Variants in PSD3 observed in about 807,000 individuals in gnomAD.
The protein encoded by PSD3 is PH and SEC7 domain-containing protein 3.
PSD3 carries 49 observed loss-of-function variants against 105.5 expected under a neutral mutation model. The ratio of observed to expected loss-of-function variants is 0.46; its 90% CI spans 0.37 to 0.59. The LOEUF is 0.59. PSD3 is among the 20% of genes least tolerant of loss of function. The pLI, the probability that PSD3 is intolerant of heterozygous loss-of-function variation, is 0.00. For synonymous variants in PSD3, 557 were observed against 457.8 expected, an observed-to-expected ratio of 1.22 and a Z score of -2.77; for missense variants, 1,561 against 1,263.8, an observed-to-expected ratio of 1.24 and a Z score of -3.57.
chr8:18,789,490 TATC>T (rs1458644000), intron 8 of PSD3, among the ~76,000 whole-genome samples: 3 of 152,226 alleles, frequency 2.0e-5, no homozygotes, highest in African/African-American at 7.2e-5. Context: ...TTAAAAATCT[TATC>T]AGTTTCAGTT....
chr8:18,779,732 GTACAAT>G (rs1808430770), intron 8 of PSD3, among the ~76,000 whole-genome samples: 1 of 151,924 alleles, frequency 6.6e-6, no homozygotes, highest in Admixed American at 6.6e-5. Context: ...CCTTGTATTT[GTACAAT>G]TTCCAAAGTT....
intron 9 of PSD3, among the ~76,000 whole-genome samples, chr8:18,704,638 C>T (rs772088461): frequency 6.6e-6 from 1 of 152,164 alleles, no homozygotes; most frequent in Admixed American, 6.5e-5. Flanking sequence ...CCATGTCTGG[C>T]CCCAATAAGA....
intron 9 of PSD3, among the ~76,000 whole-genome samples, chr8:18,676,775 A>C (rs10087403): frequency 0.23 from 35,078 of 152,124 alleles, 4,338 homozygotes; most frequent in South Asian, 0.33. Context: ...ATAAAAAAAC[A>C]CCTACCAGCT....
At chr8:18,752,222 T>C (rs183592176) in intron 9 of PSD3, among the ~76,000 whole-genome samples, 1 of 151,380 alleles carries the variant, frequency 6.6e-6, no homozygotes, top group African/African-American at 2.4e-5. Context: ...TTAACAATTC[T>C]ACATACAATA....
At chr8:19,083,567 T>G (rs988200726) in intron 1 of PSD3, among the ~76,000 whole-genome samples, 21 of 152,060 alleles carry the variant, frequency 1.4e-4, no homozygotes, top group Admixed American at 7.2e-4. Context: ...GTTGGGGAGA[T>G]GGAAGGTACA....
Position 18,542,793 on chromosome 8 carries a change from T to G in PSD3, c.2929-6835A>C, listed in dbSNP as rs1800226304. Among the ~76,000 whole-genome samples the G allele has an allele frequency of 5.3e-5, 8 of 152,348 alleles. 2 individuals are homozygous for G. The South Asian group carries it at 1.7e-3, about 32-fold the overall frequency. ...TCATAATGTAGCCCTTTCAGGTATG[T>G]GTCTTTCATTTACAAGGACAAAGAC... On this transcript the variant is annotated intron_variant, in intron 15 of 15. Transcript: ENST00000327040.
intron 1 of PSD3, among the ~76,000 whole-genome samples, chr8:19,004,183 A>G (rs151227987): frequency 6.6e-6 from 1 of 152,110 alleles, no homozygotes; most frequent in African/African-American, 2.4e-5. Flanking sequence ...CCAGGAGGAG[A>G]AGACTATTTT....
chr8:19,038,707 C>T (rs28495314), intron 1 of PSD3, among the ~76,000 whole-genome samples: 11,995 of 152,142 alleles, frequency 0.079, 1,464 homozygotes, highest in African/African-American at 0.26. Flanking sequence ...AGTGAACCTC[C>T]CATTTTGACC....
chr8:18,907,755 G>C (rs567852943), intron 2 of PSD3, among the ~76,000 whole-genome samples: 90 of 152,312 alleles, frequency 5.9e-4, no homozygotes, highest in Non-Finnish European at 9.7e-4. Flanking sequence ...AGCAGCACAT[G>C]ACTGTACCAA....
intron 14 of PSD3, among the ~76,000 whole-genome samples, chr8:18,560,079 C>A (rs951735217): frequency 1.3e-5 from 2 of 151,922 alleles, no homozygotes; most frequent in Non-Finnish European, 2.9e-5. Flanking sequence ...CCATTTTGAA[C>A]AGTGAAATAG....
At chr8:18,694,689 T>C (rs887829565) in intron 9 of PSD3, among the ~76,000 whole-genome samples, 1 of 151,994 alleles carries the variant, frequency 6.6e-6, no homozygotes, top group Non-Finnish European at 1.5e-5. Context: ...AAAATTATTC[T>C]GATAGGCTGG....
rs1476765002 is a variant in PSD3, at chr8:18,878,581, C to T, written c.131-5848G>A. The stretch of plus-strand genomic sequence containing the variant: ...TGAATGCATAGACATACACACGCTC[C>T]TTTGCCTTTGTTCAACTTCCTTTCT... On this transcript the variant is annotated intron_variant, in intron 2 of 15. Coordinates refer to ENST00000327040, the MANE Select transcript of PSD3 (RefSeq NM_015310.4). Among the ~76,000 whole-genome samples, 6 of 152,304 alleles carry T rather than the reference C, an allele frequency of 3.9e-5. No individual in the cohort carries two copies. The East Asian group carries it at 1.2e-3, about 29-fold the overall frequency.
At chr8:19,001,388 T>C (rs2129474392) in intron 1 of PSD3, among the ~76,000 whole-genome samples, 2 of 151,260 alleles carry the variant, frequency 1.3e-5, no homozygotes, top group African/African-American at 4.9e-5. Context: ...ATACACCTCC[T>C]GCCCCCAACA....
At chr8:18,823,088 G>A (rs1563314089) in intron 4 of PSD3, among the ~76,000 whole-genome samples, 1 of 90,852 alleles carries the variant, frequency 1.1e-5, no homozygotes, top group African/African-American at 3.6e-5. Flanking sequence ...AAGGGAGAAT[G>A]GAGAGACAGG....
At chr8:18,648,849 C>A (rs1301122325) in intron 10 of PSD3, among the ~76,000 whole-genome samples, 1 of 152,246 alleles carries the variant, frequency 6.6e-6, no homozygotes, top group Non-Finnish European at 1.5e-5. Flanking sequence ...GGCCAAGGTA[C>A]AGCTCAAGCT....
chr8:18,607,608 A>C (rs1416803085), intron 11 of PSD3, among the ~76,000 whole-genome samples: 2 of 151,224 alleles, frequency 1.3e-5, no homozygotes, highest in Admixed American at 1.3e-4. Context: ...AGTGATATTA[A>C]AATTACTTAA....
intron 14 of PSD3, among the ~76,000 whole-genome samples, chr8:18,559,958 C>G (rs1054908820): frequency 6.6e-6 from 1 of 152,158 alleles, no homozygotes; most frequent in Non-Finnish European, 1.5e-5. Flanking sequence ...CGAGGAAGTG[C>G]TGATGTTCAA....
chr8:18,575,562 A>C (rs187242871), intron 12 of PSD3, among the ~76,000 whole-genome samples: 3 of 152,322 alleles, frequency 2.0e-5, no homozygotes, highest in Admixed American at 2.0e-4. Context: ...GTAAATAGCT[A>C]AGTAAGGCCA....
chr8:19,041,584 C>T (rs1828125672), intron 1 of PSD3, among the ~76,000 whole-genome samples: 1 of 152,208 alleles, frequency 6.6e-6, no homozygotes, highest in African/African-American at 2.4e-5. Context: ...AAAGCTGTAA[C>T]TACTGGAAAT....
Sources: allele counts gnomAD v4.1 joint callset (sites outside exome capture counted in the v4.1 genomes callset), GRCh38; gene constraint gnomAD v4.1.1; transcripts MANE v1.5; gene names NCBI Gene and HGNC (gene_info 2026-07-23, HGNC 2026-07-21).